Variants in NAV3 observed in about 807,000 individuals in gnomAD.
NAV3 encodes the protein neuron navigator 3.
In NAV3, 87 loss-of-function variants were observed where a neutral mutation model predicts 244.7. The observed-to-expected ratio is 0.36, with a 90% CI of 0.30 to 0.42. The LOEUF is 0.42. NAV3 is among the 20% of genes least tolerant of loss of function. The pLI, the probability that NAV3 is intolerant of heterozygous loss-of-function variation, is 1.00. For synonymous variants in NAV3, 1,126 were observed against 1,042.2 expected (o/e 1.08, Z -1.55); for missense variants, 2,663 against 2,893.3 (o/e 0.92, Z 1.83).
intron 2 of NAV3, among the ~76,000 whole-genome samples, chr12:77,691,289 TGTG>T (rs1274568720): frequency 7.6e-6 from 1 of 131,656 alleles, no homozygotes; most frequent in Non-Finnish European, 1.6e-5. Context: ...CTAGAAAAGT[TGTG>T]GTAGAGGAAT....
chr12:77,904,954 A>T (rs1348509907), intron 1 of NAV3, among the ~76,000 whole-genome samples: 5 of 104,450 alleles, frequency 4.8e-5, no homozygotes, highest in African/African-American at 1.4e-4. Flanking sequence ...TATCTTATTT[A>T]AAAAAAAAAA....
At position 78,043,912 on chromosome 12, in the gene NAV3, T is replaced by C. The variant is rs78084769; in HGVS notation, c.2024-6081T>C. On this transcript the variant is annotated intron_variant, in intron 9 of 39. Transcript: ENST00000397909. ...TCACTCTGATGATAGTTTCTTTTGC[T>C]GTGCAGAATTTCCTTAGTTTAATTA... Among the ~76,000 whole-genome samples, 478 of 152,350 alleles carry C rather than the reference T, an allele frequency of 3.1e-3. 3 individuals are homozygous for C. The highest frequency in any genetic ancestry group is 0.011 in the African/African-American group (461 of 41,578).
chr12:77,604,103 G>A (rs773450748), intron 2 of NAV3, among the ~76,000 whole-genome samples: 9 of 152,172 alleles, frequency 5.9e-5, no homozygotes, highest in Non-Finnish European at 1.3e-4. Context: ...GCTGCAAAGA[G>A]AAACATGAAA....
chr12:77,982,637 T>C (rs1024126206), intron 5 of NAV3, among the ~76,000 whole-genome samples: 1 of 152,166 alleles, frequency 6.6e-6, no homozygotes, highest in Non-Finnish European at 1.5e-5. Context: ...CACAATCTAA[T>C]GGCACAAAAC....
chr12:78,200,856 GT>G (rs202214141), intron 38 of NAV3, among the ~76,000 whole-genome samples: 3,028 of 151,962 alleles, frequency 0.02, 51 homozygotes, highest in Non-Finnish European at 0.031. Flanking sequence ...TTTACAGGTT[GT>G]TTTTATTAGA....
At position 77,831,667 on chromosome 12, in the gene NAV3, C is replaced by T. The variant is rs759828427; in HGVS notation, c.206C>T (p.Pro69Leu). The T allele has an allele frequency of 1.9e-6, 3 of 1,612,616 alleles. No homozygotes were observed. Among genetic ancestry groups the T allele is most frequent in the South Asian group, 2.2e-5 (2 of 90,708 alleles). ...KSTCEFGEKKPLQGKAKEKED... is the reference protein window; with the variant it reads ...KSTCEFGEKKLLQGKAKEKED... The stretch of plus-strand genomic sequence containing the variant: ...ACCTGTGAATTTGGAGAGAAGAAAC[C>T]CCTCCAAGGAAAAGCCAAGGAGAAA... The change falls in exon 1 of 40, where the codon CCC becomes CTC. Residue 69 changes from proline (P) to leucine (L), a missense_variant. Coordinates refer to ENST00000397909, the MANE Select transcript of NAV3 (RefSeq NM_001024383.2).
At chr12:77,619,986 A>C (rs568918539) in intron 2 of NAV3, among the ~76,000 whole-genome samples, 12 of 152,330 alleles carry the variant, frequency 7.9e-5, no homozygotes, top group Middle Eastern at 6.8e-3. Flanking sequence ...GATCATTATG[A>C]ATTTACTTCT....
In NAV3 at chr12:78,210,950, G is replaced by T. The variant is rs1960837292; in HGVS notation, c.*433G>T. 5.9e-6 allele frequency: 1 copy of T among 168,686 alleles called. No homozygotes were observed. Among genetic ancestry groups the T allele is most frequent in the Non-Finnish European group, 1.3e-5 (1 of 78,494 alleles). The allele number at this position is 168,686 out of a possible 1,614,324, so 10.4% of individuals were successfully genotyped here. A position where few individuals can be genotyped will look rare whatever the true frequency, so the allele number is the denominator to read the frequency against. On this transcript the variant is annotated 3_prime_UTR_variant, in exon 40 of 40. Transcript: ENST00000397909. Reference sequence around the variant, plus strand: ...CTTTCTGATCTGTCCAACCTCCTTTGTGCCACACGGTGCTGGTCACAGGGC... The same window carrying T: ...CTTTCTGATCTGTCCAACCTCCTTTTTGCCACACGGTGCTGGTCACAGGGC...
chr12:78,109,881 G>A (rs1247697650), intron 12 of NAV3, among the ~76,000 whole-genome samples: 2 of 151,948 alleles, frequency 1.3e-5, no homozygotes, highest in East Asian at 1.9e-4. Context: ...TCTAAGAACT[G>A]GAACAAGACA....
chr12:78,050,708 T>C, intron 10 of NAV3, 56 bp from the exon 11 acceptor site: 1 of 1,521,626 alleles, frequency 6.6e-7, no homozygotes. Context: ...TCATGCATTC[T>C]AGATTATGGC....
chr12:78,206,468 T>C lies in NAV3; in HGVS notation c.7038+1330T>C, dbSNP rs542168411. On this transcript the variant is annotated intron_variant, in intron 39 of 39. Coordinates refer to ENST00000397909, the MANE Select transcript of NAV3 (RefSeq NM_001024383.2). Reference sequence around the variant, plus strand: ...TCCTACCTCTGCAGTTTTTATATAATATGTCTGTTTTATAAGGAGAGGTGT... The same window carrying C: ...TCCTACCTCTGCAGTTTTTATATAACATGTCTGTTTTATAAGGAGAGGTGT... Among the ~76,000 whole-genome samples, 3 of 152,296 alleles carry C rather than the reference T, an allele frequency of 2.0e-5. No homozygotes were observed. The South Asian group carries it at 6.2e-4, about 32-fold the overall frequency.
chr12:77,809,987 G>A (rs1872201178), intron 2 of NAV3, among the ~76,000 whole-genome samples: 1 of 152,076 alleles, frequency 6.6e-6, no homozygotes, highest in African/African-American at 2.4e-5. Flanking sequence ...CTTTGATGTT[G>A]TAAAAATAAT....
intron 2 of NAV3, among the ~76,000 whole-genome samples, chr12:77,813,821 G>A (rs1872410506): frequency 6.6e-6 from 1 of 152,166 alleles, no homozygotes; most frequent in African/African-American, 2.4e-5. Context: ...ATATTTTAGT[G>A]AAGAGTGGCA....
intron 3 of NAV3, among the ~76,000 whole-genome samples, chr12:77,957,677 T>G (rs1302200739): frequency 6.6e-6 from 1 of 152,178 alleles, no homozygotes; most frequent in Non-Finnish European, 1.5e-5. Flanking sequence ...CAGTATTTTT[T>G]TTTTTGAGAC....
At chr12:77,959,361 G>A (rs990669653) in intron 3 of NAV3, among the ~76,000 whole-genome samples, 5 of 151,838 alleles carry the variant, frequency 3.3e-5, no homozygotes, top group Admixed American at 6.6e-5. Context: ...GAGTTTACTG[G>A]GATACAGATA....
intron 1 of NAV3, among the ~76,000 whole-genome samples, chr12:77,859,593 A>C (rs1464227145): frequency 2.0e-5 from 3 of 148,234 alleles, no homozygotes; most frequent in African/African-American, 7.4e-5. Flanking sequence ...CAATGTGCAC[A>C]TGTACCCTAA....
intron 1 of NAV3, among the ~76,000 whole-genome samples, chr12:77,848,360 A>G (rs1423049139): frequency 6.6e-6 from 1 of 152,200 alleles, no homozygotes; most frequent in Admixed American, 6.5e-5. Flanking sequence ...TTATAAATAG[A>G]AACAGCCATG....
At chr12:77,950,045 A>C (rs1890729245) in intron 3 of NAV3, among the ~76,000 whole-genome samples, 1 of 152,092 alleles carries the variant, frequency 6.6e-6, no homozygotes, top group Non-Finnish European at 1.5e-5. Context: ...AATGTACCAC[A>C]GTTTATCCAT....
intron 2 of NAV3, among the ~76,000 whole-genome samples, chr12:77,723,755 CTTTTTTTTTTT>C (rs34518266): frequency 1.5e-5 from 1 of 67,648 alleles, no homozygotes; most frequent in Non-Finnish European, 2.6e-5. Context: ...GCAATCTTGA[CTTTTTTTTTTT>C]TTTTTTTTTT....
Sources: gnomAD v4.1 joint callset for allele counts (sites outside exome capture counted in the v4.1 genomes callset) on GRCh38, gnomAD v4.1.1 for gene constraint, MANE v1.5 for transcripts, NCBI Gene and HGNC (gene_info 2026-07-23, HGNC 2026-07-21) for gene names.